The following RBFOX1 variants were observed in gnomAD, a reference collection of about 807,000 sequenced individuals.
RBFOX1 encodes RNA binding protein fox-1 homolog 1.
In RBFOX1, 8 loss-of-function variants were observed where a neutral mutation model predicts 57.7. That is an observed-to-expected ratio of 0.14 (90% CI 0.08 to 0.25). The LOEUF is 0.25. RBFOX1 is among the 10% of genes least tolerant of loss of function. RBFOX1 has a pLI of 1.00. For missense variants in RBFOX1, 611 were observed against 548.5 expected (o/e 1.11, Z -1.14); for synonymous variants, 326 against 222.4 (o/e 1.47, Z -4.15).
intron 5 of RBFOX1, among the ~76,000 whole-genome samples, chr16:7,535,543 G>C (rs1507020): frequency 0.81 from 123,618 of 152,188 alleles, 51,213 homozygotes; most frequent in Non-Finnish European, 0.9. Context: ...GAATTAAATT[G>C]TGAAGTCTTT....
At chr16:7,407,561 A>G (rs1245599109) in intron 4 of RBFOX1, among the ~76,000 whole-genome samples, 1 of 152,084 alleles carries the variant, frequency 6.6e-6, no homozygotes, top group Non-Finnish European at 1.5e-5. Flanking sequence ...CACAGTTTGT[A>G]TTTCCTGTGT....
intron 3 of RBFOX1, among the ~76,000 whole-genome samples, chr16:6,741,584 G>A (rs949322587): frequency 1.6e-4 from 24 of 151,642 alleles, no homozygotes; most frequent in African/African-American, 5.1e-4. Context: ...TAGGAGAATC[G>A]CTTGAACTGC....
chr16:7,069,159 CTATA>C (rs59444774), intron 4 of RBFOX1, among the ~76,000 whole-genome samples: 107,805 of 151,704 alleles, frequency 0.71, 39,044 homozygotes, highest in East Asian at 0.91. Flanking sequence ...ACCTATGAAC[CTATA>C]TATTTTTTAA....
In RBFOX1 at chr16:6,801,029, A is replaced by G. The variant is rs572242075; in HGVS notation, c.-16+146379A>G. Among the ~76,000 whole-genome samples the G allele has an allele frequency of 9.9e-5, 15 of 152,192 alleles. 1 individual carries two copies. The South Asian group carries it at 1.7e-3, about 17-fold the overall frequency. On this transcript the variant is annotated intron_variant, in intron 3 of 15. Transcript: ENST00000550418. ...GAAAAAGTGAGAATCATTTAATTCA[A>G]TGATACTTAAACTTGAACATGCACA...
At chr16:6,390,925 C>G (rs1467730200) in intron 2 of RBFOX1, among the ~76,000 whole-genome samples, 2 of 152,110 alleles carry the variant, frequency 1.3e-5, no homozygotes, top group Non-Finnish European at 2.9e-5. Flanking sequence ...GGCCGGGTTT[C>G]TCAACCTCAG....
intron 2 of RBFOX1, among the ~76,000 whole-genome samples, chr16:6,545,747 T>C (rs899562250): frequency 2.0e-5 from 3 of 152,234 alleles, no homozygotes; most frequent in Admixed American, 1.3e-4. Flanking sequence ...ATGTGCATTT[T>C]CCCACTTGAG....
At chr16:6,367,684 A>G (rs965207103) in intron 2 of RBFOX1, among the ~76,000 whole-genome samples, 2 of 151,494 alleles carry the variant, frequency 1.3e-5, no homozygotes, top group African/African-American at 2.4e-5. Context: ...CTTTCATAGG[A>G]TGGGAGCCAA....
At chr16:6,309,408 C>T (rs373951354) in intron 1 of RBFOX1, among the ~76,000 whole-genome samples, 69 of 152,242 alleles carry the variant, frequency 4.5e-4, no homozygotes, top group African/African-American at 1.5e-3. Flanking sequence ...TTAAAAGATC[C>T]GGCGCGGCCC....
At chr16:6,477,130 T>C (rs959169644) in intron 2 of RBFOX1, among the ~76,000 whole-genome samples, 1 of 152,236 alleles carries the variant, frequency 6.6e-6, no homozygotes, top group Admixed American at 6.5e-5. Flanking sequence ...AAAATCATTC[T>C]TGAGAGTTGG....
At chr16:7,154,222 C>G (rs2152311947) in intron 4 of RBFOX1, among the ~76,000 whole-genome samples, 1 of 152,256 alleles carries the variant, frequency 6.6e-6, no homozygotes, top group East Asian at 1.9e-4. Context: ...CATGTTACTG[C>G]CTTGGAGGAT....
chr16:5,534,377 A>G lies in RBFOX1; in HGVS notation c.259-64525A>G, dbSNP rs181709482. ...CCAATAGCTGTCTTCAAGCTGTGGA[A>G]GAAGGAAGCCAATAGTGGCTCAGTC... On this transcript the variant is annotated intron_variant, in intron 2 of 2. Transcript: ENST00000585867. 3.1e-3 allele frequency among the ~76,000 whole-genome samples: 466 copies of G among 152,338 alleles called. 6 individuals carry two copies. The highest frequency in any genetic ancestry group is 0.011 in the African/African-American group (437 of 41,580).
chr16:5,389,666 CTATTTTATTTTATTTTAT>C (rs1567434788), intron 1 of RBFOX1, among the ~76,000 whole-genome samples: 1 of 151,658 alleles, frequency 6.6e-6, no homozygotes, highest in Non-Finnish European at 1.5e-5. Flanking sequence ...GCTTCTCTTC[CTATTTTATTTTATTTTAT>C]TATTTTATTT....
At chr16:6,458,210 TTCGTCTGCA>T (rs2094824385) in intron 2 of RBFOX1, among the ~76,000 whole-genome samples, 1 of 152,108 alleles carries the variant, frequency 6.6e-6, no homozygotes, top group Non-Finnish European at 1.5e-5. Context: ...GCTCTGGAAG[TTCGTCTGCA>T]GCATGAAGTT....
chr16:6,957,754 G>C (rs978922763), intron 3 of RBFOX1, among the ~76,000 whole-genome samples: 1 of 152,112 alleles, frequency 6.6e-6, no homozygotes, highest in Non-Finnish European at 1.5e-5. Context: ...GAGTTGCTCT[G>C]GTTCAAACAT....
intron 2 of RBFOX1, among the ~76,000 whole-genome samples, chr16:5,587,586 G>A (rs60375660): frequency 0.045 from 6,802 of 152,252 alleles, 532 homozygotes; most frequent in African/African-American, 0.15. Flanking sequence ...GGTGGCAGAT[G>A]CCTGTAATCC....
At chr16:7,450,392 C>CAAAAAAAAAA (rs57188328) in intron 4 of RBFOX1, among the ~76,000 whole-genome samples, 1 of 69,576 alleles carries the variant, frequency 1.4e-5, no homozygotes. Context: ...GACTCTGTCT[C>CAAAAAAAAAA]AAAAAAAAAA....
chr16:7,176,370 G>T (rs777724311), intron 4 of RBFOX1, among the ~76,000 whole-genome samples: 1 of 151,922 alleles, frequency 6.6e-6, no homozygotes, highest in Non-Finnish European at 1.5e-5. Flanking sequence ...CTGGCATATA[G>T]AGTGTACTTT....
intron 2 of RBFOX1, among the ~76,000 whole-genome samples, chr16:5,577,691 T>C (rs1461682751): frequency 6.6e-6 from 1 of 152,184 alleles, no homozygotes; most frequent in Non-Finnish European, 1.5e-5. Context: ...TGCTGTACAT[T>C]ACATCATAGC....
At chr16:5,419,203 G>T (rs549532719) in intron 1 of RBFOX1, among the ~76,000 whole-genome samples, 1 of 152,156 alleles carries the variant, frequency 6.6e-6, no homozygotes, top group Admixed American at 6.5e-5. Context: ...TTATGTAAAG[G>T]GGAGCTTATT....
Sources: allele counts gnomAD v4.1 joint callset (sites outside exome capture counted in the v4.1 genomes callset), GRCh38; gene constraint gnomAD v4.1.1; transcripts MANE v1.5; gene names NCBI Gene and HGNC (gene_info 2026-07-23, HGNC 2026-07-21).